PDE4D: variants seen among roughly 807,000 people sequenced by gnomAD.
PDE4D encodes the protein 3',5'-cyclic-AMP phosphodiesterase 4D.
A neutral mutation model predicts 87.4 loss-of-function variants in PDE4D; 24 were observed. The ratio of observed to expected loss-of-function variants is 0.27; its 90% CI spans 0.20 to 0.39. The LOEUF is 0.39. Among genes scored for constraint, PDE4D ranks in the 10% least tolerant of loss-of-function variants. PDE4D has a pLI of 1.00. For synonymous variants in PDE4D, 384 were observed against 383.2 expected (o/e 1.00, Z -0.02); for missense variants, 714 against 1,041.0 (o/e 0.69, Z 4.32).
rs76878021 is a variant in PDE4D, at chr5:59,787,258, C to T, written c.455+105910G>A. 8.5e-3 allele frequency among the ~76,000 whole-genome samples: 1,293 copies of T among 152,292 alleles called. 22 individuals carry two copies. Among genetic ancestry groups the T allele is most frequent in the African/African-American group, 0.03 (1,233 of 41,562 alleles). On this transcript the variant is annotated intron_variant, in intron 1 of 14. Coordinates refer to ENST00000340635, the MANE Select transcript of PDE4D (RefSeq NM_001104631.2). The stretch of plus-strand genomic sequence containing the variant: ...TACCGGATTCACAGCTCTGTAACTT[C>T]GTCTCAGGGGACTGGGGAGAATATT...
chr5:59,359,393 T>C (rs1203204271), intron 1 of PDE4D, among the ~76,000 whole-genome samples: 3 of 152,178 alleles, frequency 2.0e-5, no homozygotes, highest in Admixed American at 6.5e-5. Context: ...TTTTCTTAAA[T>C]AATTACTTAC....
intron 1 of PDE4D, among the ~76,000 whole-genome samples, chr5:59,231,880 T>C (rs1486988327): frequency 6.6e-6 from 1 of 152,222 alleles, no homozygotes; most frequent in Non-Finnish European, 1.5e-5. Flanking sequence ...TGTTAGAGAA[T>C]AAGTCTATAA....
chr5:59,110,029 C>T (rs1388221303), intron 5 of PDE4D, among the ~76,000 whole-genome samples: 2 of 152,150 alleles, frequency 1.3e-5, no homozygotes, highest in Non-Finnish European at 2.9e-5. Context: ...CATGCATGTC[C>T]TAGGCCCTCA....
intron 1 of PDE4D, among the ~76,000 whole-genome samples, chr5:59,469,517 C>G (rs1047594584): frequency 1.3e-5 from 2 of 152,154 alleles, no homozygotes; most frequent in Non-Finnish European, 2.9e-5. Context: ...CTGCTGGTCA[C>G]AGAAAGCCCT....
intron 1 of PDE4D, among the ~76,000 whole-genome samples, chr5:59,814,080 T>G (rs188314706): frequency 1.8e-3 from 270 of 152,320 alleles, no homozygotes; most frequent in African/African-American, 6.2e-3. Context: ...AAATATGAGT[T>G]AGAGATATGG....
intron 1 of PDE4D, among the ~76,000 whole-genome samples, chr5:59,563,582 TC>T (rs1561214817): frequency 6.6e-6 from 1 of 152,206 alleles, no homozygotes; most frequent in African/African-American, 2.4e-5. Context: ...ATTCATTCCA[TC>T]TTCACAACAA....
chr5:60,211,294 C>A (rs924007612), intron 1 of PDE4D, among the ~76,000 whole-genome samples: 1 of 152,008 alleles, frequency 6.6e-6, no homozygotes, highest in East Asian at 1.9e-4. Context: ...TCCCAGGAGG[C>A]GGAAAGAAAA....
chr5:59,908,964 G>T (rs955801066), intron 3 of PDE4D, among the ~76,000 whole-genome samples: 2 of 152,020 alleles, frequency 1.3e-5, no homozygotes, highest in South Asian at 2.1e-4. Flanking sequence ...TTTCAACTTG[G>T]TTTACATTTG....
intron 2 of PDE4D, among the ~76,000 whole-genome samples, chr5:60,042,608 C>A (rs1768654340): frequency 6.6e-6 from 1 of 152,218 alleles, no homozygotes; most frequent in South Asian, 2.1e-4. Flanking sequence ...GAACAGGCAG[C>A]AATCTTTGCT....
rs114850317 is a variant in PDE4D, at chr5:59,491,055, A to G, written c.456-275087T>C. The stretch of plus-strand genomic sequence containing the variant: ...AGCTTGAACACATATGGCCTAACAT[A>G]TATTTCAAGCATATCTGCAATATTT... On this transcript the variant is annotated intron_variant, in intron 1 of 14. Coordinates refer to ENST00000340635, the MANE Select transcript of PDE4D (RefSeq NM_001104631.2). Among the ~76,000 whole-genome samples the G allele has an allele frequency of 1.8e-3, 277 of 152,362 alleles. 1 individual carries two copies. The highest frequency in any genetic ancestry group is 6.5e-3 in the African/African-American group (269 of 41,596).
At chr5:59,581,467 A>C (rs1346568120) in intron 1 of PDE4D, among the ~76,000 whole-genome samples, 2 of 152,208 alleles carry the variant, frequency 1.3e-5, no homozygotes, top group African/African-American at 4.8e-5. Flanking sequence ...CATTGTTAGT[A>C]AATAATTTTC....
chr5:59,373,145 G>A (rs79127148), intron 1 of PDE4D, among the ~76,000 whole-genome samples: 7,678 of 152,152 alleles, frequency 0.05, 287 homozygotes, highest in South Asian at 0.16. Context: ...AAACAACCGT[G>A]TCCCTTCTAA....
At chr5:59,507,664 C>CAAAAAAAAAAAAAA (rs1284106865) in intron 1 of PDE4D, among the ~76,000 whole-genome samples, 1 of 79,832 alleles carries the variant, frequency 1.3e-5, no homozygotes. Context: ...TACCCTGTCT[C>CAAAAAAAAAAAAAA]AAAAAAAAAA....
intron 1 of PDE4D, among the ~76,000 whole-genome samples, chr5:59,264,454 C>A (rs1408287920): frequency 6.6e-6 from 1 of 151,948 alleles, no homozygotes; most frequent in Non-Finnish European, 1.5e-5. Context: ...TTCAGTTACA[C>A]GAATACCTTT....
chr5:59,326,856 T>C (rs1775764741), intron 1 of PDE4D, among the ~76,000 whole-genome samples: 1 of 152,170 alleles, frequency 6.6e-6, no homozygotes. Flanking sequence ...CCTAAATTCC[T>C]TTCCAATTCG....
chr5:59,019,864 T>G (rs573304223), intron 6 of PDE4D, among the ~76,000 whole-genome samples: 2 of 145,406 alleles, frequency 1.4e-5, no homozygotes, highest in South Asian at 4.5e-4. Context: ...TATGTCTATA[T>G]GTTTCGCTAT....
At chr5:59,477,924 A>G (rs1431070230) in intron 1 of PDE4D, among the ~76,000 whole-genome samples, 1 of 152,112 alleles carries the variant, frequency 6.6e-6, no homozygotes, top group Non-Finnish European at 1.5e-5. Flanking sequence ...CATAATCCTA[A>G]GCAAATTAAT....
intron 5 of PDE4D, among the ~76,000 whole-genome samples, chr5:59,131,696 C>CTTT (rs1776315205): frequency 7.1e-6 from 1 of 140,784 alleles, no homozygotes; most frequent in East Asian, 2.0e-4. Flanking sequence ...CCCTTTTTGT[C>CTTT]CTTGTTTTGC....
chr5:59,430,489 A>G lies in PDE4D; in HGVS notation c.456-214521T>C, dbSNP rs1795946072. Reference sequence around the variant, plus strand: ...CAGCATTCCTGGGAAGGCTGGAAAGAACATGTCAGATAATAGATTTCAGAC... The same window carrying G: ...CAGCATTCCTGGGAAGGCTGGAAAGGACATGTCAGATAATAGATTTCAGAC... On this transcript the variant is annotated intron_variant, in intron 1 of 14. Coordinates refer to ENST00000340635, the MANE Select transcript of PDE4D (RefSeq NM_001104631.2). 5.2e-6 allele frequency: 6 copies of G among 1,157,658 alleles called. No homozygotes were observed. The East Asian group carries it at 1.9e-4, about 37-fold the overall frequency. 71.7% of individuals were successfully genotyped at this position (1,157,658 alleles called of 1,614,324 possible).
Sources: allele counts gnomAD v4.1 joint callset (sites outside exome capture counted in the v4.1 genomes callset), GRCh38; gene constraint gnomAD v4.1.1; transcripts MANE v1.5; gene names NCBI Gene and HGNC (gene_info 2026-07-23, HGNC 2026-07-21).